Variants in MRO observed in about 807,000 individuals in gnomAD.
MRO encodes the protein maestro.
In MRO, 28 loss-of-function variants were observed where a neutral mutation model predicts 31.0. That is an observed-to-expected ratio of 0.90 (90% confidence interval 0.67 to 1.24). The LOEUF (loss-of-function observed/expected upper bound fraction) is 1.24, where lower values mean the gene tolerates loss of function less well. Ranked by LOEUF, MRO falls within the 50% of genes most tolerant of loss-of-function variation. The probability of loss-of-function intolerance (pLI) is 0.00; values close to 1 mark genes in which losing one functional copy is unlikely to be tolerated. For missense variants in MRO, 332 were observed against 289.2 expected (o/e 1.15, Z -1.07); for synonymous variants, 108 against 108.4 (o/e 1.00, Z 0.02).
intron 2 of MRO, among the ~76,000 whole-genome samples, chr18:50,810,454 G>T: frequency 6.6e-6 from 1 of 152,172 alleles, no homozygotes; most frequent in Non-Finnish European, 1.5e-5. Context: ...ACATATGTAC[G>T]TATATGCTTG....
In MRO at chr18:50,799,258, G is replaced by T; in HGVS notation, c.*79C>A. On this transcript the variant is annotated 3_prime_UTR_variant, in exon 8 of 8. Coordinates refer to ENST00000398439, the MANE Select transcript of MRO (RefSeq NM_031939.6). Reference sequence around the variant, plus strand: ...CCCAAGAGGCAAGCAGTGAGAAGAGGCATCCAGTGAGATAAAACAGGGGAA... The same window carrying T: ...CCCAAGAGGCAAGCAGTGAGAAGAGTCATCCAGTGAGATAAAACAGGGGAA... The T allele has an allele frequency of 8.0e-7, 1 of 1,253,390 alleles. No individual in the cohort carries two copies. Among genetic ancestry groups the T allele is most frequent in the Non-Finnish European group, 1.2e-6 (1 of 853,180 alleles). 77.6% of individuals were successfully genotyped at this position (1,253,390 alleles called of 1,614,324 possible).
chr18:50,815,850 A>G (rs539085901), intron 2 of MRO: 57 of 185,624 alleles, frequency 3.1e-4, no homozygotes, highest in Middle Eastern at 1.8e-3. Context: ...TCTGGTCAAC[A>G]TGGTGAAACC....
At chr18:50,809,032 G>A (rs563502157) in intron 3 of MRO, among the ~76,000 whole-genome samples, 71 of 151,060 alleles carry the variant, frequency 4.7e-4, no homozygotes, top group African/African-American at 1.6e-3. Flanking sequence ...CAGCTACTCG[G>A]GAGGCTGAGG....
At chr18:50,821,134 G>A (rs1305190241), upstream of MRO, among the ~76,000 whole-genome samples, 1 of 152,216 alleles carries the variant, frequency 6.6e-6, no homozygotes, top group African/African-American at 2.4e-5. Flanking sequence ...TCAGGCAAAA[G>A]CATTTTGGTT....
At chr18:50,809,561 C>T (rs1914290331) in intron 2 of MRO, among the ~76,000 whole-genome samples, 157 bp from the exon 3 acceptor site, 1 of 152,132 alleles carries the variant, frequency 6.6e-6, no homozygotes, top group African/African-American at 2.4e-5. Context: ...AGAACAGTCA[C>T]ACAGATGAAT....
intron 7 of MRO, 115 bp from the exon 8 acceptor site, chr18:50,799,505 G>T: frequency 1.2e-6 from 1 of 864,872 alleles, no homozygotes; most frequent in Non-Finnish European, 2.0e-6. Context: ...AGAGGTGGAG[G>T]CATCATCTGT....
intron 6 of MRO, among the ~76,000 whole-genome samples, chr18:50,800,919 A>AAAGGAAGGAAGGAAAG (rs1035081043): frequency 1.3e-5 from 2 of 151,734 alleles, no homozygotes; most frequent in African/African-American, 4.8e-5. Context: ...ACGAAGGAAG[A>AAAGGAAGGAAGGAAAG]AAGGAAGGAA....
intron 6 of MRO, 131 bp from the exon 7 acceptor site, chr18:50,800,274 A>G: frequency 1.6e-6 from 1 of 619,216 alleles, no homozygotes; most frequent in Non-Finnish European, 2.7e-6. Flanking sequence ...ACTTCCAGGT[A>G]GTTTCAAAAT....
Position 50,809,299 on chromosome 18 carries a change from G to C in MRO, c.99+3C>G. 3 of 1,609,298 alleles carry C rather than the reference G, an allele frequency of 1.9e-6. No homozygotes were observed. Among genetic ancestry groups the C allele is most frequent in the Non-Finnish European group, 2.6e-6 (3 of 1,176,240 alleles). The stretch of plus-strand genomic sequence containing the variant: ...AATTTGTTCATAATATTTTGTGTCA[G>C]ACCTTGGAAAAGAAAGATATCATTG... On this transcript the variant is annotated splice_donor_region_variant and intron_variant, in intron 3 of 7. Coordinates refer to ENST00000398439, the MANE Select transcript of MRO (RefSeq NM_031939.6).
intron 2 of MRO, among the ~76,000 whole-genome samples, chr18:50,811,511 C>G (rs1400794616): frequency 2.0e-5 from 3 of 152,114 alleles, no homozygotes. Flanking sequence ...AAGGTTCATC[C>G]ATGTTGTAGC....
chr18:50,801,480 C>T lies in MRO; in HGVS notation c.454G>A (p.Ala152Thr), dbSNP rs759625728. The change falls in exon 6 of 8, where the codon GCC (alanine) becomes ACC (threonine). Residue 152 changes from alanine (A) to threonine (T), a missense_variant. Transcript: ENST00000398439. ...DDENDSLRYS[A>T]FVLFGQLAAF... ...GCCAATTGCCCAAACAAAACAAAGG[C>T]CGAGTATCTCAGACTGTCGTTCTCC... 21 of 1,607,012 alleles carry T rather than the reference C, an allele frequency of 1.3e-5. No homozygotes were observed. Among genetic ancestry groups the T allele is most frequent in the Non-Finnish European group, 1.7e-5 (20 of 1,177,100 alleles).
At position 50,797,814 on chromosome 18, in the gene MRO, C is replaced by CT. The variant is rs1018876923; in HGVS notation, c.*1522dup. The CT allele has an allele frequency of 1.6e-4, 24 of 152,334 alleles. No individual in the cohort carries two copies. Among genetic ancestry groups the CT allele is most frequent in the Middle Eastern group, 3.4e-3 (1 of 294 alleles). 9.4% of individuals were successfully genotyped at this position (152,334 alleles called of 1,614,324 possible). A position where few individuals can be genotyped will look rare whatever the true frequency, so the allele number is the denominator to read the frequency against. On this transcript the variant is annotated 3_prime_UTR_variant, in exon 8 of 8. Coordinates refer to ENST00000398439, the MANE Select transcript of MRO (RefSeq NM_031939.6). ...CAGAACCACCCATTTGCTCGTGAGC[C>CT]TGTGTCCCTCCTAAAATCTCTTGCT... is the stretch of plus-strand genomic sequence containing the variant.
intron 2 of MRO, among the ~76,000 whole-genome samples, chr18:50,809,784 A>G (rs2586775): frequency 0.79 from 120,254 of 152,200 alleles, 47,833 homozygotes; most frequent in South Asian, 0.86. Context: ...AATGTAAATC[A>G]GTACCTCTTT....
rs1049712001 is a variant in MRO at position 50,806,631 on chromosome 18, G to C, written c.246+73C>G. 1.8e-5 allele frequency: 28 copies of C among 1,565,224 alleles called. No individual in the cohort carries two copies. The Admixed American group carries it at 2.0e-4, about 11-fold the overall frequency. ...CTAATACAACAGACACCATACTCCAGCCCTGGGAGTCTCCACACCAAGGTG... is the reference window on the plus strand; with the variant it reads ...CTAATACAACAGACACCATACTCCACCCCTGGGAGTCTCCACACCAAGGTG... On this transcript the variant is annotated intron_variant, in intron 4 of 7. Transcript: ENST00000398439.
At chr18:50,799,784 G>T (rs543308693) in intron 7 of MRO, among the ~76,000 whole-genome samples, 2 of 152,100 alleles carry the variant, frequency 1.3e-5, no homozygotes, top group Admixed American at 1.3e-4. Flanking sequence ...GGTGGTGCAC[G>T]CCTGTAATCT....
At chr18:50,822,914 T>C (rs146092102), upstream of MRO, among the ~76,000 whole-genome samples, 25 of 151,724 alleles carry the variant, frequency 1.6e-4, no homozygotes, top group African/African-American at 4.8e-4. Context: ...AATCAACCAG[T>C]AGAGGACTTG....
chr18:50,817,361 G>T (rs1012625943), intron 2 of MRO, among the ~76,000 whole-genome samples: 1 of 152,102 alleles, frequency 6.6e-6, no homozygotes, highest in African/African-American at 2.4e-5. Flanking sequence ...AGAGGTGGGT[G>T]CAGTGGCTCA....
chr18:50,809,402 G>A lies in MRO; in HGVS notation c.-2C>T, dbSNP rs780184260. On this transcript the variant is annotated splice_region_variant and 5_prime_UTR_variant, in exon 3 of 8. Transcript: ENST00000398439. Reference sequence around the variant, plus strand: ...GATTCTCCTCTGTCTTTGGTCCATGGAACTAAAAACAAAACAAAACAAAAT... The same window carrying A: ...GATTCTCCTCTGTCTTTGGTCCATGAAACTAAAAACAAAACAAAACAAAAT... The A allele has an allele frequency of 8.7e-6, 14 of 1,609,624 alleles. No homozygotes were observed. The highest frequency in any genetic ancestry group is 1.7e-5 in the Admixed American group (1 of 59,488).
Position 50,799,262 on chromosome 18 carries a change from C to A in MRO, c.*75G>T. ...AGAGGCAAGCAGTGAGAAGAGGCAT[C>A]CAGTGAGATAAAACAGGGGAACATG... On this transcript the variant is annotated 3_prime_UTR_variant, in exon 8 of 8. Transcript: ENST00000398439. 1 of 1,288,366 alleles carries A rather than the reference C, an allele frequency of 7.8e-7. No homozygotes were observed. Among genetic ancestry groups the A allele is most frequent in the South Asian group, 1.2e-5 (1 of 83,996 alleles). The allele number at this position is 1,288,366 out of a possible 1,614,324, so 79.8% of individuals were successfully genotyped here. A position where few individuals can be genotyped will look rare whatever the true frequency, so the allele number is the denominator to read the frequency against.
Sources: gnomAD v4.1 joint callset for allele counts (sites outside exome capture counted in the v4.1 genomes callset) on GRCh38, gnomAD v4.1.1 for gene constraint, MANE v1.5 for transcripts, NCBI Gene and HGNC (gene_info 2026-07-23, HGNC 2026-07-21) for gene names.